The following TG variants were observed in gnomAD, a reference collection of about 807,000 sequenced individuals.
The protein encoded by TG is thyroglobulin.
In TG, 270 loss-of-function variants were observed where a neutral mutation model predicts 324.7. The ratio of observed to expected loss-of-function variants is 0.83; its 90% CI spans 0.75 to 0.92. The LOEUF is 0.92. Ranked by LOEUF, TG falls within the 40% of genes least tolerant of loss-of-function variation. The pLI is 0.00. For missense variants in TG, 3,591 were observed against 3,456.4 expected (o/e 1.04, Z -0.98); for synonymous variants, 1,401 against 1,327.0 (o/e 1.06, Z -1.21).
intron 41 of TG, among the ~76,000 whole-genome samples, chr8:133,062,876 G>A (rs1842579080): frequency 6.6e-6 from 1 of 152,134 alleles, no homozygotes; most frequent in African/African-American, 2.4e-5. Flanking sequence ...AAGCATGTGT[G>A]TGACATGCAC....
intron 41 of TG, among the ~76,000 whole-genome samples, chr8:133,080,579 A>G (rs1007283527): frequency 2.6e-5 from 4 of 152,146 alleles, no homozygotes; most frequent in African/African-American, 9.6e-5. Context: ...AGCTGCCCCA[A>G]ACTCAGGACC....
chr8:132,871,366 T>A lies in TG; in HGVS notation c.293T>A (p.Leu98Gln). ...RPVACLSFCQ[L>Q]QKQQILLSGY... is the part of the protein sequence containing the mutation. ...CCCACAGGTCTGTCATTTTGTCAGC[T>A]ACAGAAACAGCAGATCTTACTGAGT... The change falls in exon 4 of 48, where the codon CTA becomes CAA. Residue 98 changes from leucine to glutamine, a missense_variant. Coordinates refer to ENST00000220616, the MANE Select transcript of TG (RefSeq NM_003235.5). 1 of 1,614,232 alleles carries A rather than the reference T, an allele frequency of 6.2e-7. No individual in the cohort carries two copies. Among genetic ancestry groups the A allele is most frequent in the Non-Finnish European group, 8.5e-7 (1 of 1,180,044 alleles).
intron 20 of TG, 39 bp downstream of exon 20, chr8:132,913,304 A>C: frequency 6.2e-7 from 1 of 1,605,600 alleles, no homozygotes; most frequent in South Asian, 1.1e-5. Flanking sequence ...CTGTGGAGCC[A>C]TGTGAGGCTT....
At chr8:133,078,097 C>T (rs187787037) in intron 41 of TG, among the ~76,000 whole-genome samples, 1 of 152,322 alleles carries the variant, frequency 6.6e-6, no homozygotes, top group East Asian at 1.9e-4. Context: ...CTCTCTGGTA[C>T]ACATCTAAGA....
intron 20 of TG, among the ~76,000 whole-genome samples, chr8:132,918,364 TG>T (rs957735371): frequency 4.6e-5 from 7 of 152,112 alleles, no homozygotes; most frequent in African/African-American, 7.2e-5. Flanking sequence ...GCCACAGTTC[TG>T]GGGTTGAAAT....
At chr8:133,099,272 G>A (rs567483113) in intron 43 of TG, among the ~76,000 whole-genome samples, 2 of 152,338 alleles carry the variant, frequency 1.3e-5, no homozygotes, top group Admixed American at 6.5e-5. Flanking sequence ...TGGTTAGACC[G>A]TTCGTTTCTG....
rs537900935 is a variant in TG at position 133,090,872 on chromosome 8, G to A, written c.7240-4172G>A. Among the ~76,000 whole-genome samples the A allele has an allele frequency of 2.0e-4, 30 of 152,138 alleles. 1 individual carries two copies. Among genetic ancestry groups the A allele is most frequent in the South Asian group, 1.0e-3 (5 of 4,826 alleles). ...TTTTACTTTGCTTTGGCCTCACCCC[G>A]CACCCCCCGGGAACAGAAAGGAACT... On this transcript the variant is annotated intron_variant, in intron 41 of 47. Transcript: ENST00000220616.
At chr8:132,986,800 A>G (rs1831613272) in intron 35 of TG, among the ~76,000 whole-genome samples, 1 of 152,208 alleles carries the variant, frequency 6.6e-6, no homozygotes, top group Non-Finnish European at 1.5e-5. Context: ...TATATTGCCA[A>G]ATTAGTCTCA....
chr8:133,040,329 T>A, intron 41 of TG: 1 of 601,452 alleles, frequency 1.7e-6, no homozygotes, highest in Non-Finnish European at 2.9e-6. Flanking sequence ...AAGCGTGCCC[T>A]GGTATACTCT....
intron 43 of TG, chr8:133,102,649 G>A (rs1247176858): frequency 4.9e-5 from 63 of 1,288,400 alleles, no homozygotes; most frequent in Middle Eastern, 1.8e-4. Context: ...TTCATCAGTC[G>A]CTGTCATGGG....
chr8:133,087,394 G>T (rs900203661), intron 41 of TG, among the ~76,000 whole-genome samples: 2 of 152,138 alleles, frequency 1.3e-5, no homozygotes, highest in Non-Finnish European at 2.9e-5. Context: ...AAGGCTTATT[G>T]CTGGACCTCT....
At position 133,013,734 on chromosome 8, in the gene TG, G is replaced by A. The variant is rs767410396; in HGVS notation, c.6532G>A (p.Glu2178Lys). ...QGQNCRLLLR[E>K]EATHIYRKPG... ...TCAGAACTGCCGACTTCTGCTTCGTGAAGAGGCCACCCACATCTACCGGAA... is the reference window on the plus strand; with the variant it reads ...TCAGAACTGCCGACTTCTGCTTCGTAAAGAGGCCACCCACATCTACCGGAA... The change falls in exon 37 of 48, where the codon GAA becomes AAA. Residue 2178 changes from glutamate (E) to lysine (K), a missense_variant. Glu to Lys is a moderately conservative substitution (Grantham distance 56, BLOSUM62 1). Transcript: ENST00000220616. 5 of 1,612,756 alleles carry A rather than the reference G, an allele frequency of 3.1e-6. No homozygotes were observed. In the South Asian group the frequency reaches 5.5e-5, roughly 18 times the overall value.
intron 35 of TG, among the ~76,000 whole-genome samples, chr8:132,996,685 T>C (rs1832919041): frequency 6.6e-6 from 1 of 152,174 alleles, no homozygotes; most frequent in Non-Finnish European, 1.5e-5. Context: ...TAAACATATC[T>C]AGGCATTTAG....
At chr8:133,121,846 C>T (rs1189586932) in intron 45 of TG, among the ~76,000 whole-genome samples, 1 of 151,752 alleles carries the variant, frequency 6.6e-6, no homozygotes, top group Non-Finnish European at 1.5e-5. Flanking sequence ...CTCTCCATCA[C>T]CATCACATAT....
intron 41 of TG, chr8:133,040,015 G>C (rs1174904946): frequency 1.3e-6 from 2 of 1,551,328 alleles, no homozygotes; most frequent in East Asian, 4.9e-5. Context: ...CTCTCCTCCA[G>C]TCCACAGTCT....
Position 132,935,737 on chromosome 8 carries a change from A to T in TG, c.4933-19A>T. 1 of 1,591,148 alleles carries T rather than the reference A, an allele frequency of 6.3e-7. No individual in the cohort carries two copies. The highest frequency in any genetic ancestry group is 8.6e-7 in the Non-Finnish European group (1 of 1,160,374). Reference sequence around the variant, plus strand: ...ATAAAGTATTGCAGGATAATAATGCAGCATCTTTCCATCTCCAGAAACGAG... The same window carrying T: ...ATAAAGTATTGCAGGATAATAATGCTGCATCTTTCCATCTCCAGAAACGAG... On this transcript the variant is annotated intron_variant, in intron 24 of 47. Coordinates refer to ENST00000220616, the MANE Select transcript of TG (RefSeq NM_003235.5).
At chr8:132,988,485 G>A (rs1831889769) in intron 35 of TG, among the ~76,000 whole-genome samples, 2 of 152,132 alleles carry the variant, frequency 1.3e-5, no homozygotes, top group South Asian at 4.1e-4. Flanking sequence ...AGGGCTTGAA[G>A]CAGTGGAACA....
At chr8:132,900,458 C>CTA in intron 15 of TG, 119 bp downstream of exon 15, 13 of 896,464 alleles carry the variant, frequency 1.5e-5, no homozygotes, top group Non-Finnish European at 1.8e-5. Flanking sequence ...GGGGGCACAG[C>CTA]TGCTGACCTC....
At chr8:133,107,299 G>C (rs1030534184) in intron 43 of TG, among the ~76,000 whole-genome samples, 1 of 152,176 alleles carries the variant, frequency 6.6e-6, no homozygotes, top group African/African-American at 2.4e-5. Context: ...GGTTGATGCT[G>C]AGGCCCTGCT....
Sources: allele counts gnomAD v4.1 joint callset (sites outside exome capture counted in the v4.1 genomes callset), GRCh38; gene constraint gnomAD v4.1.1; transcripts MANE v1.5; gene names NCBI Gene and HGNC (gene_info 2026-07-23, HGNC 2026-07-21).